SLIT3: variants seen among roughly 807,000 people sequenced by gnomAD.
SLIT3 encodes slit guidance ligand 3, also known as slit homolog 3 protein.
SLIT3 carries 68 observed loss-of-function variants against 184.0 expected under a neutral mutation model. The ratio of observed to expected loss-of-function variants is 0.37; its 90% CI spans 0.30 to 0.45. The LOEUF (loss-of-function observed/expected upper bound fraction) is 0.45, where lower values mean the gene tolerates loss of function less well. SLIT3 is among the 20% of genes least tolerant of loss of function. SLIT3 has a pLI of 1.00. For missense variants in SLIT3, 1,707 were observed against 2,026.0 expected (o/e 0.84, Z 3.02); for synonymous variants, 831 against 828.6 (o/e 1.00, Z -0.05).
chr5:168,774,529 T>C (rs564114930), intron 12 of SLIT3, 151 bp from the exon 13 acceptor site: 2 of 819,002 alleles, frequency 2.4e-6, no homozygotes, highest in South Asian at 1.8e-5. Flanking sequence ...GAGAGAGACC[T>C]GCCTTCCTGT....
intron 5 of SLIT3, among the ~76,000 whole-genome samples, chr5:168,862,327 C>G (rs1482864165): frequency 6.6e-6 from 1 of 151,976 alleles, no homozygotes; most frequent in Non-Finnish European, 1.5e-5. Flanking sequence ...GTTCATGTAA[C>G]CAAATGCCAC....
At chr5:168,672,373 G>A (rs943932761) in intron 33 of SLIT3, among the ~76,000 whole-genome samples, 3 of 152,318 alleles carry the variant, frequency 2.0e-5, no homozygotes, top group East Asian at 3.9e-4. Flanking sequence ...AGGATTGAAC[G>A]AGCAGTTTTG....
intron 4 of SLIT3, among the ~76,000 whole-genome samples, chr5:169,150,230 G>T (rs938201224): frequency 6.6e-6 from 1 of 152,182 alleles, no homozygotes; most frequent in African/African-American, 2.4e-5. Flanking sequence ...ATATCCTGTT[G>T]TAGTCCAGAT....
intron 4 of SLIT3, among the ~76,000 whole-genome samples, chr5:168,907,979 TAGAG>T (rs70979109): frequency 1.0e-4 from 5 of 50,084 alleles, no homozygotes; most frequent in East Asian, 5.0e-4. Flanking sequence ...TATATATATA[TAGAG>T]AGAGAGAGAG....
chr5:169,014,023 C>A (rs564449189), intron 4 of SLIT3, among the ~76,000 whole-genome samples: 4 of 152,048 alleles, frequency 2.6e-5, no homozygotes, highest in Non-Finnish European at 5.9e-5. Flanking sequence ...TAAAATGCCT[C>A]GCAAAAACTT....
At chr5:169,264,556 T>C (rs891827624) in intron 1 of SLIT3, among the ~76,000 whole-genome samples, 1 of 152,174 alleles carries the variant, frequency 6.6e-6, no homozygotes, top group Non-Finnish European at 1.5e-5. Context: ...TGTCTTCCTC[T>C]GTCTCCTCTC....
At chr5:168,738,731 G>C (rs376068820) in intron 20 of SLIT3, among the ~76,000 whole-genome samples, 1 of 152,178 alleles carries the variant, frequency 6.6e-6, no homozygotes, top group Non-Finnish European at 1.5e-5. Flanking sequence ...AAGGTCAGGA[G>C]ATCGAGACCA....
intron 5 of SLIT3, among the ~76,000 whole-genome samples, chr5:168,869,172 C>T (rs957137327): frequency 1.3e-5 from 2 of 152,118 alleles, no homozygotes; most frequent in Non-Finnish European, 2.9e-5. Flanking sequence ...TTTTGAAACC[C>T]CATAAAAAGA....
intron 4 of SLIT3, among the ~76,000 whole-genome samples, chr5:169,123,133 G>T (rs985815580): frequency 6.6e-6 from 1 of 151,880 alleles, no homozygotes; most frequent in African/African-American, 2.4e-5. Flanking sequence ...ACTTATACTA[G>T]CTTGTTATGA....
intron 4 of SLIT3, chr5:169,024,529 T>A (rs1374441320): frequency 6.6e-6 from 1 of 152,230 alleles, no homozygotes; most frequent in Non-Finnish European, 1.5e-5. Flanking sequence ...TAAGGTTGAC[T>A]CGGCCATGAA....
intron 10 of SLIT3, among the ~76,000 whole-genome samples, chr5:168,795,096 A>C (rs1756520222): frequency 6.6e-6 from 1 of 152,216 alleles, no homozygotes; most frequent in African/African-American, 2.4e-5. Flanking sequence ...ATATGAATGT[A>C]TGCCTGGTTG....
chr5:168,711,525 G>GTT (rs935792919), intron 24 of SLIT3, among the ~76,000 whole-genome samples: 8 of 146,304 alleles, frequency 5.5e-5, no homozygotes, highest in African/African-American at 1.2e-4. Flanking sequence ...TAGAAATTCT[G>GTT]TTTTTTTTTT....
At chr5:168,942,137 A>T (rs564742765) in intron 4 of SLIT3, among the ~76,000 whole-genome samples, 4 of 152,340 alleles carry the variant, frequency 2.6e-5, no homozygotes, top group African/African-American at 9.6e-5. Flanking sequence ...AGGGATGGGC[A>T]CATGACCAAG....
chr5:169,209,921 T>G (rs186319658), intron 3 of SLIT3, among the ~76,000 whole-genome samples: 9 of 151,384 alleles, frequency 5.9e-5, no homozygotes, highest in African/African-American at 2.2e-4. Flanking sequence ...GTTCTGCACA[T>G]GTATACCAGA....
intron 4 of SLIT3, among the ~76,000 whole-genome samples, chr5:169,009,601 A>G (rs1756063505): frequency 6.6e-6 from 1 of 152,250 alleles, no homozygotes; most frequent in Non-Finnish European, 1.5e-5. Context: ...AAAGGGGCTT[A>G]GGTTACAGAT....
intron 4 of SLIT3, among the ~76,000 whole-genome samples, chr5:168,967,608 C>T (rs371882421): frequency 0.024 from 3,498 of 143,752 alleles, 183 homozygotes; most frequent in African/African-American, 0.084. Context: ...CCCGGCTAAT[C>T]TTTTTGTATT....
chr5:169,251,593 A>G, intron 1 of SLIT3, 134 bp from the exon 2 acceptor site: 1 of 678,318 alleles, frequency 1.5e-6, no homozygotes, highest in Non-Finnish European at 2.7e-6. Flanking sequence ...ATATCCCTTG[A>G]GCGTGCCCGG....
chr5:168,982,238 A>G lies in SLIT3; in HGVS notation c.414-98902T>C, dbSNP rs147128658. Among the ~76,000 whole-genome samples the G allele has an allele frequency of 2.6e-5, 4 of 152,140 alleles. No homozygotes were observed. The East Asian group carries it at 7.7e-4, about 29-fold the overall frequency. The stretch of plus-strand genomic sequence containing the variant: ...AAATTCCCAGTGTGGCAGTATGGAG[A>G]GATGGGGCCTTTGAGAGATGATTCA... On this transcript the variant is annotated intron_variant, in intron 4 of 35. Coordinates refer to ENST00000519560, the MANE Select transcript of SLIT3 (RefSeq NM_003062.4).
intron 4 of SLIT3, among the ~76,000 whole-genome samples, chr5:169,183,478 G>A (rs920270071): frequency 6.6e-6 from 1 of 152,148 alleles, no homozygotes; most frequent in Non-Finnish European, 1.5e-5. Context: ...GAGGGATTCA[G>A]TTGGTCCCAC....
Sources: allele counts gnomAD v4.1 joint callset (sites outside exome capture counted in the v4.1 genomes callset), GRCh38; gene constraint gnomAD v4.1.1; transcripts MANE v1.5; gene names NCBI Gene and HGNC (gene_info 2026-07-23, HGNC 2026-07-21).